The following RAD54L variants were observed in gnomAD, a reference collection of about 807,000 sequenced individuals.
RAD54L encodes the protein DNA repair and recombination protein RAD54-like.
A neutral mutation model predicts 91.6 loss-of-function variants in RAD54L; 74 were observed. That is an observed-to-expected ratio of 0.81 (90% CI 0.67 to 0.98). RAD54L has a LOEUF of 0.98. Among genes scored for constraint, RAD54L ranks in the 50% least tolerant of loss-of-function variants. The pLI, the probability that RAD54L is intolerant of heterozygous loss-of-function variation, is 0.00. For synonymous variants in RAD54L, 304 were observed against 349.7 expected (o/e 0.87, Z 1.46); for missense variants, 887 against 945.7 (o/e 0.94, Z 0.81).
In RAD54L at chr1:46,261,259, A is replaced by G. The variant is rs145591114; in HGVS notation, c.767-2A>G. 84 of 1,604,318 alleles carry G rather than the reference A, an allele frequency of 5.2e-5. No homozygotes were observed. The highest frequency in any genetic ancestry group is 1.2e-4 in the Admixed American group (7 of 59,160). ...GTTCCCTTTACACCTTTTCTGTTGT[A>G]GAAGGATTCATGAACCAGCGTGGAG... On this transcript the variant is annotated splice_acceptor_variant, in intron 7 of 17. Transcript: ENST00000371975. LOFTEE classifies it high-confidence loss of function.
chr1:46,251,331 A>G (rs28363197), intron 3 of RAD54L, among the ~76,000 whole-genome samples: 5 of 152,310 alleles, frequency 3.3e-5, no homozygotes, highest in Admixed American at 3.3e-4. Flanking sequence ...CAACAAAAAA[A>G]CAACAGTTTT....
chr1:46,260,867 G>T lies in RAD54L; in HGVS notation c.618G>T (p.Glu206Asp). ...LMWTLLRQSP[E>D]CKPEIDKAVV... Reference sequence around the variant, plus strand: ...GGACACTTTTACGCCAGAGTCCAGAGTGCAAGCCAGAAATTGACAAGGCAG... The same window carrying T: ...GGACACTTTTACGCCAGAGTCCAGATTGCAAGCCAGAAATTGACAAGGCAG... The change falls in exon 7 of 18, where the codon GAG becomes GAT. Residue 206 changes from glutamate to aspartate, a missense_variant. Transcript: ENST00000371975. 1 of 1,614,240 alleles carries T rather than the reference G, an allele frequency of 6.2e-7. No individual in the cohort carries two copies. Among genetic ancestry groups the T allele is most frequent in the South Asian group, 1.1e-5 (1 of 91,086 alleles).
At chr1:46,269,661 C>T (rs965199957) in intron 9 of RAD54L, among the ~76,000 whole-genome samples, 16 of 152,180 alleles carry the variant, frequency 1.1e-4, no homozygotes, top group African/African-American at 3.6e-4. Flanking sequence ...CACCTACTGC[C>T]TGCCATACCC....
intron 7 of RAD54L, 50 bp downstream of exon 7, chr1:46,261,065 T>C: frequency 6.3e-7 from 1 of 1,595,614 alleles, no homozygotes; most frequent in Non-Finnish European, 8.5e-7. Flanking sequence ...AGCCTGCTGC[T>C]TTCTTACGTG....
intron 9 of RAD54L, 100 bp from the exon 10 acceptor site, chr1:46,270,559 G>C (rs1000418508): frequency 3.3e-5 from 49 of 1,498,800 alleles, no homozygotes; most frequent in Middle Eastern, 3.4e-4. Flanking sequence ...CTTGTTCTTG[G>C]TAGGAAGGCT....
chr1:46,271,792 A>G (rs1660434639), intron 10 of RAD54L, among the ~76,000 whole-genome samples: 1 of 152,146 alleles, frequency 6.6e-6, no homozygotes, highest in South Asian at 2.1e-4. Flanking sequence ...GCCATGTAGC[A>G]GCGGGCATTT....
intron 4 of RAD54L, 88 bp downstream of exon 4, chr1:46,258,834 T>C: frequency 1.8e-6 from 2 of 1,102,974 alleles, no homozygotes; most frequent in South Asian, 2.6e-5. Flanking sequence ...AATACAAGCT[T>C]AGCTGGGAAT....
In RAD54L at chr1:46,256,819, CA is replaced by C. The variant is rs926882130; in HGVS notation, c.211-1859del. Among the ~76,000 whole-genome samples the C allele has an allele frequency of 8.6e-5, 13 of 151,212 alleles. No homozygotes were observed. The South Asian group carries it at 1.0e-3, about 12-fold the overall frequency. ...ACTTGTTTTCTGTCTTCTAATATCA[CA>C]AAAAAAATTCATTACTTTTTTTAAA... On this transcript the variant is annotated intron_variant, in intron 3 of 17. Transcript: ENST00000371975.
chr1:46,257,488 C>T (rs1263489300), intron 3 of RAD54L, among the ~76,000 whole-genome samples: 1 of 152,146 alleles, frequency 6.6e-6, no homozygotes. Flanking sequence ...TCAGAGTTAG[C>T]TCAGTGTTAA....
chr1:46,275,584 C>T lies in RAD54L; in HGVS notation c.1869+867C>T, dbSNP rs544167581. Among the ~76,000 whole-genome samples, 29 of 152,268 alleles carry T rather than the reference C, an allele frequency of 1.9e-4. 1 individual carries two copies. The South Asian group carries it at 5.0e-3, about 26-fold the overall frequency. ...TTCAGCTTCTACACCAGCTACATTG[C>T]ATTTACATGTTGGTACTACCACAAA... On this transcript the variant is annotated intron_variant, in intron 16 of 17. Transcript: ENST00000371975.
rs994751655 is a variant in RAD54L, at chr1:46,247,815, C to T, written c.-591C>T. 1 of 192,864 alleles carries T rather than the reference C, an allele frequency of 5.2e-6. No homozygotes were observed. The highest frequency in any genetic ancestry group is 1.1e-5 in the Non-Finnish European group (1 of 91,394). The allele number at this position is 192,864 out of a possible 1,614,324, so 11.9% of individuals were successfully genotyped here. ...GTTGAGAGAGAGGTGCTGGGGTCTG[C>T]GTCTATCTCTGTCGCTCTTTTCAGC... is the stretch of plus-strand genomic sequence containing the variant. On this transcript the variant is annotated 5_prime_UTR_variant, in exon 1 of 18. Coordinates refer to ENST00000371975, the MANE Select transcript of RAD54L (RefSeq NM_003579.4).
chr1:46,264,838 A>G (rs1660223400), intron 8 of RAD54L, among the ~76,000 whole-genome samples: 1 of 152,150 alleles, frequency 6.6e-6, no homozygotes, highest in African/African-American at 2.4e-5. Context: ...TGCCTTGGGT[A>G]TGGAAGGGTT....
intron 8 of RAD54L, among the ~76,000 whole-genome samples, chr1:46,264,984 C>T (rs1660228126): frequency 6.6e-6 from 1 of 152,084 alleles, no homozygotes; most frequent in Non-Finnish European, 1.5e-5. Context: ...TATTAAGTGC[C>T]TTTTATGTGT....
Position 46,274,731 on chromosome 1 carries a change from T to C in RAD54L, c.1869+14T>C. The C allele has an allele frequency of 6.2e-7, 1 of 1,613,928 alleles. No homozygotes were observed. The highest frequency in any genetic ancestry group is 1.3e-5 in the African/African-American group (1 of 75,036). ...CGCCTGCTGTCTGTAAGGATGGTGA[T>C]AGTAGTCATAGTAGGGGTGGGTCAT... On this transcript the variant is annotated intron_variant, in intron 16 of 17. Transcript: ENST00000371975.
At chr1:46,249,927 T>C in intron 2 of RAD54L, 73 bp from the exon 3 acceptor site, 1 of 1,546,068 alleles carries the variant, frequency 6.5e-7, no homozygotes, top group South Asian at 1.1e-5. Context: ...TAATAAGCAC[T>C]TCAAGTGTTA....
intron 15 of RAD54L, 43 bp from the exon 16 acceptor site, chr1:46,274,495 A>G: frequency 1.3e-6 from 2 of 1,598,848 alleles, no homozygotes; most frequent in Non-Finnish European, 1.7e-6. Context: ...ATCCCAGTTT[A>G]GGCTATAAGA....
chr1:46,253,579 C>T (rs566119368), intron 3 of RAD54L, among the ~76,000 whole-genome samples: 6 of 151,194 alleles, frequency 4.0e-5, no homozygotes, highest in South Asian at 4.2e-4. Flanking sequence ...TGTGCCACTG[C>T]GCTCCAGCCT....
Position 46,270,897 on chromosome 1 carries a change from T to G in RAD54L, c.1169+112T>G, listed in dbSNP as rs1270567887. The G allele has an allele frequency of 6.3e-6, 9 of 1,435,966 alleles. No homozygotes were observed. In the Admixed American group the frequency reaches 1.6e-4, roughly 26 times the overall value. 89.0% of individuals were successfully genotyped at this position (1,435,966 alleles called of 1,614,324 possible). On this transcript the variant is annotated intron_variant, in intron 10 of 17. Transcript: ENST00000371975. ...AAAGGCTGGGATTCTAGGAAGGGAGTGGGTTCTGTGTCCTAACTATGGCCA... is the reference window on the plus strand; with the variant it reads ...AAAGGCTGGGATTCTAGGAAGGGAGGGGGTTCTGTGTCCTAACTATGGCCA...
rs1315493694 is a variant in RAD54L at position 46,247,941 on chromosome 1, G to T, written c.-465G>T. 6 of 282,304 alleles carry T rather than the reference G, an allele frequency of 2.1e-5. No homozygotes were observed. Among genetic ancestry groups the T allele is most frequent in the Non-Finnish European group, 3.5e-5 (5 of 143,132 alleles). The allele number at this position is 282,304 out of a possible 1,614,324, so 17.5% of individuals were successfully genotyped here. On this transcript the variant is annotated 5_prime_UTR_variant, in exon 1 of 18. Transcript: ENST00000371975. ...ATCCTGGTTTCCACCTCCAGCCCTG[G>T]GAAATTTCCTTTCTCCAGACTCGCC...
Sources: allele counts gnomAD v4.1 joint callset (sites outside exome capture counted in the v4.1 genomes callset), GRCh38; gene constraint gnomAD v4.1.1; transcripts MANE v1.5; gene names NCBI Gene and HGNC (gene_info 2026-07-23, HGNC 2026-07-21).